Variants in OR10G3 observed in about 807,000 individuals in gnomAD.
OR10G3 encodes the protein olfactory receptor 10G3.
OR10G3 carries 8 observed loss-of-function variants against 13.4 expected under a neutral mutation model. That is an observed-to-expected ratio of 0.60 (90% CI 0.35 to 1.08). The LOEUF (loss-of-function observed/expected upper bound fraction) is 1.08, where lower values mean the gene tolerates loss of function less well. OR10G3 is among the 50% of genes least tolerant of loss of function. The probability of loss-of-function intolerance (pLI) is 0.02; values close to 1 mark genes in which losing one functional copy is unlikely to be tolerated. For missense variants in OR10G3, 393 were observed against 386.6 expected, an observed-to-expected ratio of 1.02 and a Z score of -0.14; for synonymous variants, 142 against 156.1, an observed-to-expected ratio of 0.91 and a Z score of 0.67.
chr14:21,570,821 G>T, intron 1 of OR10G3, 60 bp from the exon 2 acceptor site: 3 of 963,406 alleles, frequency 3.1e-6, no homozygotes, highest in Admixed American at 2.5e-5. Flanking sequence ...GGGGGAACTA[G>T]AAAGAGATTG....
rs773014225 is a variant in OR10G3 at position 21,570,187 on chromosome 14, C to T, written c.558G>A (p.Leu186=). The change falls in exon 2 of 2, where the codon TTG becomes TTA. Residue 186 remains leucine (L), a synonymous_variant. Coordinates refer to ENST00000641040, the MANE Select transcript of OR10G3 (RefSeq NM_001005465.2). ...CTGTTGTGTCAGCACAGGCCAGTCT[C>T]AACACTGCAGGGATGTCACAGAAGA... The part of the protein sequence containing the change: ...DYFFCDIPAV[L]RLACADTTVN... 10 of 1,614,078 alleles carry T rather than the reference C, an allele frequency of 6.2e-6. No individual in the cohort carries two copies. Among genetic ancestry groups the T allele is most frequent in the Non-Finnish European group, 8.5e-6 (10 of 1,180,046 alleles).
In OR10G3 at chr14:21,570,198, G is replaced by A. The variant is rs749072596; in HGVS notation, c.547C>T (p.Pro183Ser). 2 of 1,614,070 alleles carry A rather than the reference G, an allele frequency of 1.2e-6. No individual in the cohort carries two copies. Among genetic ancestry groups the A allele is most frequent in the African/African-American group, 1.3e-5 (1 of 74,902 alleles). The part of the protein sequence containing the change: ...NQVDYFFCDI[P>S]AVLRLACADT... ...GCACAGGCCAGTCTCAACACTGCAG[G>A]GATGTCACAGAAGAAGTAATCCACC... Residue 183 changes from proline to serine, a missense_variant, in exon 2 of 2, where the codon CCT (proline) becomes TCT (serine). Transcript: ENST00000641040.
At chr14:21,570,826 A>T in intron 1 of OR10G3, 65 bp from the exon 2 acceptor site, 1 of 937,502 alleles carries the variant, frequency 1.1e-6, no homozygotes, top group Non-Finnish European at 1.6e-6. Flanking sequence ...AACTAGAAAG[A>T]GATTGTAAAA....
intron 1 of OR10G3, among the ~76,000 whole-genome samples, chr14:21,572,402 G>C (rs1031708990): frequency 6.8e-6 from 1 of 146,046 alleles, no homozygotes; most frequent in African/African-American, 2.5e-5. Flanking sequence ...TTCGAGACCA[G>C]TCTGGCCAAT....
Position 21,569,645 on chromosome 14 carries a change from A to G in OR10G3, c.*158T>C. The G allele has an allele frequency of 1.6e-6, 1 of 636,090 alleles. No individual in the cohort carries two copies. Among genetic ancestry groups the G allele is most frequent in the South Asian group, 2.1e-5 (1 of 48,432 alleles). The allele number at this position is 636,090 out of a possible 1,614,324, so 39.4% of individuals were successfully genotyped here. ...AGTTATCTTGAGAGGATACTAAGGA[A>G]CTGTTAGAAAGTTAGTATTTTACCT... On this transcript the variant is annotated 3_prime_UTR_variant, in exon 2 of 2. Coordinates refer to ENST00000641040, the MANE Select transcript of OR10G3 (RefSeq NM_001005465.2).
In OR10G3 at chr14:21,569,764, T is replaced by A; in HGVS notation, c.*39A>T. On this transcript the variant is annotated 3_prime_UTR_variant, in exon 2 of 2. Transcript: ENST00000641040. ...CCGAAGCCTAAACATTATAATAAAT[T>A]CTAATTGTGGCAGCTTCCCTAGTGG... 6.5e-7 allele frequency: 1 copy of A among 1,532,370 alleles called. No individual in the cohort carries two copies. 94.9% of individuals were successfully genotyped at this position (1,532,370 alleles called of 1,614,324 possible). A position where few individuals can be genotyped will look rare whatever the true frequency, so the allele number is the denominator to read the frequency against.
chr14:21,579,619 G>A (rs1003472320), intron 1 of OR10G3, among the ~76,000 whole-genome samples, 167 bp downstream of exon 1: 3 of 152,144 alleles, frequency 2.0e-5, no homozygotes, highest in African/African-American at 7.2e-5. Context: ...GAAAATTTTT[G>A]TGACAGCAGA....
Position 21,570,377 on chromosome 14 carries a change from C to G in OR10G3, c.368G>C (p.Arg123Thr), listed in dbSNP as rs745687033. The change falls in exon 2 of 2, where the codon AGG becomes ACG. Residue 123 changes from arginine to threonine, a missense_variant. By Grantham distance (71) the Arg-to-Thr change is moderately conservative. Coordinates refer to ENST00000641040, the MANE Select transcript of OR10G3 (RefSeq NM_001005465.2). ...CFLYTLMAYD[R>T]YLAICQPLRY... is the part of the protein sequence containing the mutation. ...CAGGGGCTGACATATTGCCAGGTAC[C>G]TGTCATAGGCCATTAGGGTGTAGAG... 6 of 1,614,038 alleles carry G rather than the reference C, an allele frequency of 3.7e-6. No homozygotes were observed. Among genetic ancestry groups the G allele is most frequent in the Non-Finnish European group, 5.1e-6 (6 of 1,180,038 alleles).
At chr14:21,572,003 G>C (rs1245908479) in intron 1 of OR10G3, among the ~76,000 whole-genome samples, 2 of 151,704 alleles carry the variant, frequency 1.3e-5, no homozygotes, top group Admixed American at 1.3e-4. Flanking sequence ...TAAAGAAAAG[G>C]GTTGGCGGGT....
chr14:21,569,610 A>G lies in OR10G3; in HGVS notation c.*193T>C. 1.8e-6 allele frequency: 1 copy of G among 561,922 alleles called. No individual in the cohort carries two copies. Among genetic ancestry groups the G allele is most frequent in the East Asian group, 3.0e-5 (1 of 32,794 alleles). The allele number at this position is 561,922 out of a possible 1,614,324, so 34.8% of individuals were successfully genotyped here. The stretch of plus-strand genomic sequence containing the variant: ...ATTTGGTCTCATTCTCTACTCTTGC[A>G]GTGGCTGAGAGTTATCTTGAGAGGA... On this transcript the variant is annotated 3_prime_UTR_variant, in exon 2 of 2. Transcript: ENST00000641040.
intron 1 of OR10G3, among the ~76,000 whole-genome samples, chr14:21,575,093 G>GT (rs571843972): frequency 2.6e-4 from 40 of 152,182 alleles, no homozygotes; most frequent in African/African-American, 7.2e-4. Context: ...GTTTTATTTT[G>GT]TTTTTTGAGA....
chr14:21,573,334 G>A (rs925836420), intron 1 of OR10G3, among the ~76,000 whole-genome samples: 15 of 152,066 alleles, frequency 9.9e-5, no homozygotes, highest in Non-Finnish European at 1.5e-4. Flanking sequence ...ACTAGATGCC[G>A]GGGATGGGAA....
intron 1 of OR10G3, among the ~76,000 whole-genome samples, chr14:21,573,280 T>TA (rs1893091675): frequency 6.6e-6 from 1 of 151,838 alleles, no homozygotes; most frequent in Admixed American, 6.6e-5. Flanking sequence ...ATGTGGAATC[T>TA]AAAAAAAATT....
rs1397086991 is a variant in OR10G3, at chr14:21,570,608, A to G, written c.137T>C (p.Leu46Ser). Residue 46 changes from leucine to serine, a missense_variant, in exon 2 of 2, where the codon TTA becomes TCA. Coordinates refer to ENST00000641040, the MANE Select transcript of OR10G3 (RefSeq NM_001005465.2). ...ILTQLGNLLI[L>S]ITVWADPRLH... ...CCTTGGGTCTGCCCAGACAGTGATT[A>G]AAATAAGCAGGTTTCCCAGCTGAGT... is the stretch of plus-strand genomic sequence containing the variant. The G allele has an allele frequency of 9.3e-6, 15 of 1,614,138 alleles. No homozygotes were observed. The highest frequency in any genetic ancestry group is 1.3e-5 in the Non-Finnish European group (15 of 1,180,020).
chr14:21,573,533 G>A (rs1375174846), intron 1 of OR10G3, among the ~76,000 whole-genome samples: 1 of 123,212 alleles, frequency 8.1e-6, no homozygotes, highest in Admixed American at 8.0e-5. Context: ...TTAGCCCAGT[G>A]TGGTGGCATG....
chr14:21,569,912 G>C lies in OR10G3; in HGVS notation c.833C>G (p.Thr278Arg). The C allele has an allele frequency of 1.9e-6, 3 of 1,613,432 alleles. No homozygotes were observed. The highest frequency in any genetic ancestry group is 2.5e-6 in the Non-Finnish European group (3 of 1,179,690). ...GGGGTTGAGGAAAGGAGTGATGGCC[G>C]TGGGGACTAGGGCAGCTGCCCCATC... The part of the protein sequence containing the change: ...PLDGAAALVP[T>R]AITPFLNPLI... Residue 278 changes from threonine (T) to arginine (R), a missense_variant, in exon 2 of 2, where the codon ACG (threonine) becomes AGG (arginine). Physicochemically the swap from Thr to Arg is moderately conservative, Grantham distance 71 (BLOSUM62 -1). Transcript: ENST00000641040.
At chr14:21,578,155 A>C (rs1876802289) in intron 1 of OR10G3, among the ~76,000 whole-genome samples, 2 of 152,164 alleles carry the variant, frequency 1.3e-5, no homozygotes, top group South Asian at 4.1e-4. Context: ...TCATGCCCGT[A>C]ATCCTAACAC....
rs146895763 is a variant in OR10G3 at position 21,570,156 on chromosome 14, C to G, written c.589G>C (p.Glu197Gln). 1.0e-4 allele frequency: 164 copies of G among 1,614,062 alleles called. No homozygotes were observed. Among genetic ancestry groups the G allele is most frequent in the Non-Finnish European group, 1.3e-4 (157 of 1,180,028 alleles). Residue 197 changes from glutamate to glutamine, a missense_variant, in exon 2 of 2, where the codon GAG becomes CAG. By Grantham distance (29) the Glu-to-Gln change is conservative (BLOSUM62 2). Coordinates refer to ENST00000641040, the MANE Select transcript of OR10G3 (RefSeq NM_001005465.2). ...CCAATGTCTACAAACGTCACCAGCTCGTTGACTGTTGTGTCAGCACAGGCC... is the reference window on the plus strand; with the variant it reads ...CCAATGTCTACAAACGTCACCAGCTGGTTGACTGTTGTGTCAGCACAGGCC... ...RLACADTTVN[E>Q]LVTFVDIGVV...
chr14:21,573,229 A>T (rs1185719211), intron 1 of OR10G3, among the ~76,000 whole-genome samples: 1 of 152,198 alleles, frequency 6.6e-6, no homozygotes, highest in Admixed American at 6.5e-5. Flanking sequence ...TAAGCAAAAT[A>T]AGCCAGGCAT....
Sources: gnomAD v4.1 joint callset for allele counts (sites outside exome capture counted in the v4.1 genomes callset) on GRCh38, gnomAD v4.1.1 for gene constraint, MANE v1.5 for transcripts, NCBI Gene and HGNC (gene_info 2026-07-23, HGNC 2026-07-21) for gene names.